The following CDKL5 variants were observed in gnomAD, a reference collection of about 807,000 sequenced individuals.
The protein encoded by CDKL5 is cyclin-dependent kinase-like 5.
Under a neutral mutation model 61.7 loss-of-function variants are expected in CDKL5, and 8 were observed. The observed-to-expected ratio is 0.13, with a 90% confidence interval of 0.08 to 0.23. The LOEUF (loss-of-function observed/expected upper bound fraction) is 0.23, where lower values mean the gene tolerates loss of function less well. Among genes scored for constraint, CDKL5 ranks in the 10% least tolerant of loss-of-function variants. The pLI is 1.00. For synonymous variants in CDKL5, 275 were observed against 272.3 expected (o/e 1.01, Z -0.10); for missense variants, 440 against 734.5 (o/e 0.60, Z 4.63).
chrX:18,518,403 T>A (rs1270857706), intron 3 of CDKL5, among the ~76,000 whole-genome samples: 2 of 62,872 alleles, frequency 3.2e-5, no homozygotes, highest in Non-Finnish European at 3.0e-5. Flanking sequence ...TTTTTTTTTT[T>A]TTTTTTTTTT....
At position 18,551,273 on chromosome X, in the gene CDKL5, T is replaced by C. The variant is rs545333928; in HGVS notation, c.100-13204T>C. Among the ~76,000 whole-genome samples the C allele has an allele frequency of 6.3e-5, 7 of 111,060 alleles. No homozygotes were observed. In the South Asian group the frequency reaches 1.5e-3, roughly 24 times the overall value. On this transcript the variant is annotated intron_variant, in intron 3 of 17. Transcript: ENST00000623535. ...TGATTCATCTTGAATTACCCACTTA[T>C]ATACAATAAGATGTACCCATTTTTA...
intron 4 of CDKL5, among the ~76,000 whole-genome samples, chrX:18,571,255 T>TA (rs1925126722): frequency 9.0e-6 from 1 of 111,588 alleles, no homozygotes; most frequent in Non-Finnish European, 1.9e-5. Context: ...GTAGCATAGT[T>TA]ATACCTGAAC....
At chrX:18,577,917 A>G (rs1375436731) in intron 5 of CDKL5, among the ~76,000 whole-genome samples, 2 of 112,599 alleles carry the variant, frequency 1.8e-5, no homozygotes, top group Admixed American at 1.9e-4. Flanking sequence ...TCAAAAAATG[A>G]TGCATACATA....
intron 1 of CDKL5, among the ~76,000 whole-genome samples, chrX:18,458,756 C>T (rs1932208055): frequency 8.9e-6 from 1 of 112,166 alleles, no homozygotes; most frequent in Admixed American, 9.4e-5. Flanking sequence ...AGGTTCAGTT[C>T]CTCAGTTGCA....
intron 15 of CDKL5, among the ~76,000 whole-genome samples, chrX:18,616,286 T>C (rs1926711162): frequency 8.9e-6 from 1 of 111,982 alleles, no homozygotes; most frequent in Admixed American, 9.5e-5. Context: ...CTGCTGTCAA[T>C]TGGGTTAAAA....
intron 9 of CDKL5, chrX:18,588,934 A>C (rs76021993): frequency 0.026 from 2,850 of 109,526 alleles, 91 homozygotes; most frequent in East Asian, 0.18. Flanking sequence ...ACAAAAACAA[A>C]AAAAAAACAA....
rs1209744204 is a variant in CDKL5 at position 18,509,195 on chromosome X, A to ACG, written c.65-1623_65-1622dup. The stretch of plus-strand genomic sequence containing the variant: ...TGAGAGAGCGAGACTGTCTCAAAAC[A>ACG]CGCACACACACACACACACACACAC... On this transcript the variant is annotated intron_variant, in intron 2 of 17. Coordinates refer to ENST00000623535, the MANE Select transcript of CDKL5 (RefSeq NM_001323289.2). Among the ~76,000 whole-genome samples, 332 of 64,684 alleles carry ACG rather than the reference A, an allele frequency of 5.1e-3. 2 individuals carry two copies. Among genetic ancestry groups the ACG allele is most frequent in the Middle Eastern group, 0.046 (6 of 131 alleles). 56.2% of individuals were successfully genotyped at this position (64,684 alleles called of 115,157 possible). A position where few individuals can be genotyped will look rare whatever the true frequency, so the allele number is the denominator to read the frequency against.
chrX:18,527,928 C>A (rs1381828130), intron 3 of CDKL5, among the ~76,000 whole-genome samples: 3 of 111,849 alleles, frequency 2.7e-5, no homozygotes, highest in African/African-American at 9.7e-5. Context: ...TTTAAAATTT[C>A]TCTTCAGACT....
downstream of CDKL5, chrX:18,640,795 C>G (rs1446050012): frequency 8.9e-6 from 1 of 112,452 alleles, no homozygotes; most frequent in African/African-American, 3.2e-5. Flanking sequence ...ACCACCTGCT[C>G]TCCATATCCC....
At position 18,628,826 on chromosome X, in the gene CDKL5, C is replaced by A; in HGVS notation, c.*69C>A. ...GAGGGGTGGGAAAGGGTGGGCTGGG[C>A]TTGGGGCATGGGCCGGGCCAAGTGG... is the stretch of plus-strand genomic sequence containing the variant. On this transcript the variant is annotated 3_prime_UTR_variant, in exon 18 of 18. Transcript: ENST00000623535. 1.1e-6 allele frequency: 1 copy of A among 944,463 alleles called. No homozygotes were observed. Among genetic ancestry groups the A allele is most frequent in the Non-Finnish European group, 1.3e-6 (1 of 758,224 alleles). 77.8% of individuals were successfully genotyped at this position (944,463 alleles called of 1,213,427 possible).
rs1466036077 is a variant in CDKL5, at chrX:18,613,208, T to C, written c.2209T>C (p.Ser737Pro). The change falls in exon 15 of 18, where the codon TCT becomes CCT. Residue 737 changes from serine (S) to proline (P), a missense_variant. Ser to Pro is a moderately conservative substitution (Grantham distance 74). This residue lies in a region of CDKL5 where 363 missense variants were observed against 516.3 expected (regional missense o/e 0.70). Transcript: ENST00000623535. ...FHENNVSTRV[S>P]SLPSESSSGT... ...TGAAAATAATGTGTCAACTAGAGTT[T>C]CTTCTCTACCATCAGAGAGCAGTTC... 8.3e-7 allele frequency: 1 copy of C among 1,202,588 alleles called. No individual in the cohort carries two copies. Among genetic ancestry groups the C allele is most frequent in the East Asian group, 3.0e-5 (1 of 33,514 alleles).
chrX:18,597,847 C>T (rs1042877705), intron 10 of CDKL5, among the ~76,000 whole-genome samples: 12 of 110,853 alleles, frequency 1.1e-4, no homozygotes, highest in African/African-American at 3.9e-4. Flanking sequence ...CCTCCTGCCT[C>T]GGCCTCCCAA....
Position 18,603,946 on chromosome X carries a change from C to G in CDKL5, c.1022C>G (p.Ser341Cys). ...ACTGCTTTGCAGTCTCACCACAGAT[C>G]TAACAGCAAGGACATCCAGAACCTG... Reference protein sequence around the residue: ...KSTALQSHHRSNSKDIQNLSV... With the variant: ...KSTALQSHHRCNSKDIQNLSV... The change falls in exon 12 of 18, where the codon TCT becomes TGT. Residue 341 changes from serine (S) to cysteine (C), a missense_variant. Ser to Cys is a moderately radical substitution (Grantham distance 112). This residue lies in a region of CDKL5 where 363 missense variants were observed against 516.3 expected (regional missense o/e 0.70). Coordinates refer to ENST00000623535, the MANE Select transcript of CDKL5 (RefSeq NM_001323289.2). The G allele has an allele frequency of 1.7e-6, 2 of 1,210,463 alleles. No homozygotes were observed. Among genetic ancestry groups the G allele is most frequent in the Non-Finnish European group, 2.2e-6 (2 of 894,353 alleles).
At position 18,575,506 on chromosome X, in the gene CDKL5, C is replaced by G. The variant is rs1456184121; in HGVS notation, c.282+16C>G. 1 of 1,195,048 alleles carries G rather than the reference C, an allele frequency of 8.4e-7. No homozygotes were observed. Among genetic ancestry groups the G allele is most frequent in the Non-Finnish European group, 1.1e-6 (1 of 880,733 alleles). On this transcript the variant is annotated intron_variant, in intron 5 of 17. Coordinates refer to ENST00000623535, the MANE Select transcript of CDKL5 (RefSeq NM_001323289.2). ...TGTTGAAAAAGTAAGTCATTAATTG[C>G]CAATGTGCACATTTGCCCGATTCTT...
Position 18,650,386 on chromosome X carries a change from C to T in CDKL5, c.2798-24C>T, listed in dbSNP as rs1294833087. ...GCCTCCCGGGCCCCAAGCTTCATTC[C>T]ACTGCCCTCTGAATATTTTCCAGGA... On this transcript the variant is annotated intron_variant, in intron 20 of 21. Transcript: ENST00000379989. 8.3e-7 allele frequency: 1 copy of T among 1,206,708 alleles called. No homozygotes were observed. Among genetic ancestry groups the T allele is most frequent in the Non-Finnish European group, 1.1e-6 (1 of 891,679 alleles).
At chrX:18,592,595 C>G (rs1245696933) in intron 9 of CDKL5, among the ~76,000 whole-genome samples, 2 of 112,439 alleles carry the variant, frequency 1.8e-5, no homozygotes. Context: ...CTGCCTCCAT[C>G]ACACTTTGAC....
intron 3 of CDKL5, among the ~76,000 whole-genome samples, chrX:18,551,279 A>G (rs906595278): frequency 2.7e-5 from 3 of 110,723 alleles, no homozygotes; most frequent in Non-Finnish European, 5.7e-5. Flanking sequence ...CTTATATACA[A>G]TAAGATGTAC....
chrX:18,620,809 A>G (rs913722790), intron 16 of CDKL5, among the ~76,000 whole-genome samples: 1 of 110,703 alleles, frequency 9.0e-6, no homozygotes, highest in East Asian at 2.8e-4. Context: ...GTGCAGTGGC[A>G]TGATCTCAGC....
downstream of CDKL5, among the ~76,000 whole-genome samples, chrX:18,645,070 C>T (rs964050699): frequency 2.7e-5 from 3 of 112,402 alleles, no homozygotes; most frequent in Non-Finnish European, 3.8e-5. Context: ...ATTCCTGCCT[C>T]GTGCAGAGCA....
Sources: allele counts gnomAD v4.1 joint callset (sites outside exome capture counted in the v4.1 genomes callset), GRCh38; gene constraint gnomAD v4.1.1; regional missense constraint gnomAD v4.1.1; transcripts MANE v1.5; gene names NCBI Gene and HGNC (gene_info 2026-07-23, HGNC 2026-07-21).